Variants in TMEM132C observed in about 807,000 individuals in gnomAD.
The protein encoded by TMEM132C is protein phosphatase 1, regulatory subunit 152.
In TMEM132C, 29 loss-of-function variants were observed where a neutral mutation model predicts 61.4. The ratio of observed to expected loss-of-function variants is 0.47; its 90% CI spans 0.35 to 0.64. TMEM132C has a LOEUF of 0.64. TMEM132C is among the 30% of genes least tolerant of loss of function. The pLI is 0.00. For synonymous variants in TMEM132C, 656 were observed against 633.1 expected, an observed-to-expected ratio of 1.04 and a Z score of -0.54; for missense variants, 1,408 against 1,476.9, an observed-to-expected ratio of 0.95 and a Z score of 0.76.
rs750418869 is a variant in TMEM132C at position 128,630,669 on chromosome 12, T to A, written c.1305+14334T>A. Among the ~76,000 whole-genome samples the A allele has an allele frequency of 2.4e-4, 36 of 152,254 alleles. No homozygotes were observed. The highest frequency in any genetic ancestry group is 4.1e-4 in the Non-Finnish European group (28 of 68,012). ...GAACTTGGCTGTGTCCACTCCCTAG[T>A]CCTCACCTTCCAGATCACTGCTCAA... On this transcript the variant is annotated intron_variant, in intron 4 of 8. Transcript: ENST00000435159. The surrounding 1 kb of genome is among the most constrained non-coding windows in gnomAD (Gnocchi z 4.3).
At chr12:128,449,743 T>C (rs1870118678) in intron 2 of TMEM132C, among the ~76,000 whole-genome samples, 1 of 152,222 alleles carries the variant, frequency 6.6e-6, no homozygotes, top group African/African-American at 2.4e-5. Flanking sequence ...CAGTGGTTTT[T>C]TTTGACAGGT....
chr12:128,466,832 A>T (rs1200351322), intron 2 of TMEM132C, among the ~76,000 whole-genome samples: 1 of 152,014 alleles, frequency 6.6e-6, no homozygotes, highest in African/African-American at 2.4e-5. Context: ...ACACTTCTTT[A>T]TATGACCTGT....
chr12:128,397,674 T>C (rs1275629323), intron 1 of TMEM132C, among the ~76,000 whole-genome samples: 2 of 152,136 alleles, frequency 1.3e-5, no homozygotes, highest in African/African-American at 2.4e-5. Flanking sequence ...TTTTCTCTTC[T>C]TCTTCTCTTC....
rs369938324 is a variant in TMEM132C at position 128,649,311 on chromosome 12, A to T, written c.1306-20106A>T. Among the ~76,000 whole-genome samples, 17 of 152,308 alleles carry T rather than the reference A, an allele frequency of 1.1e-4. No individual in the cohort carries two copies. The South Asian group carries it at 3.3e-3, about 30-fold the overall frequency. ...CTATCCTGTGATACTGCCACCCTTGATTGTGCCACCAGGGAGGGAGGAAGC... is the reference window on the plus strand; with the variant it reads ...CTATCCTGTGATACTGCCACCCTTGTTTGTGCCACCAGGGAGGGAGGAAGC... On this transcript the variant is annotated intron_variant, in intron 4 of 8. Transcript: ENST00000435159.
At chr12:128,616,126 A>C (rs1283458345) in intron 3 of TMEM132C, 26 bp from the exon 4 acceptor site, 1 of 1,546,710 alleles carries the variant, frequency 6.5e-7, no homozygotes. Context: ...AGTTGGCTTA[A>C]AGCCAGTTTC....
chr12:128,694,312 T>C lies in TMEM132C; in HGVS notation c.1655+278T>C, dbSNP rs77882148. ...ATGGAGTTAATACATTTTTTTAGCA[T>C]CTTGGTTACCAGGTAATTTGAAGTT... On this transcript the variant is annotated intron_variant, in intron 6 of 8. Coordinates refer to ENST00000435159, the MANE Select transcript of TMEM132C (RefSeq NM_001136103.3). 8.2e-3 allele frequency among the ~76,000 whole-genome samples: 1,254 copies of C among 152,308 alleles called. 16 individuals are homozygous for C. Among genetic ancestry groups the C allele is most frequent in the African/African-American group, 0.029 (1,190 of 41,554 alleles).
At chr12:128,699,621 G>A (rs570241176) in intron 8 of TMEM132C, among the ~76,000 whole-genome samples, 1 of 152,296 alleles carries the variant, frequency 6.6e-6, no homozygotes, top group South Asian at 2.1e-4. Flanking sequence ...ACCAGCTAGA[G>A]AAATCGCTCA....
chr12:128,542,158 G>A (rs1009254030), intron 2 of TMEM132C, among the ~76,000 whole-genome samples: 15 of 152,138 alleles, frequency 9.9e-5, no homozygotes, highest in African/African-American at 3.6e-4. Context: ...TGTGTTGGTT[G>A]TTGACTCTGC....
At chr12:128,288,055 C>CTTTTTTTTT in intron 1 of TMEM132C, 1 of 135,182 alleles carries the variant, frequency 7.4e-6, no homozygotes, top group Non-Finnish European at 1.6e-5. Flanking sequence ...TCCTCTCTTA[C>CTTTTTTTTT]TTTTTTTTTT....
chr12:128,520,095 G>C lies in TMEM132C; in HGVS notation c.975-23862G>C, dbSNP rs373377939. Among the ~76,000 whole-genome samples, 768 of 152,160 alleles carry C rather than the reference G, an allele frequency of 5.0e-3. 6 individuals are homozygous for C. The highest frequency in any genetic ancestry group is 0.018 in the African/African-American group (746 of 41,514). On this transcript the variant is annotated intron_variant, in intron 2 of 8. Transcript: ENST00000435159. ...GGAATGACCGTCACCCTCTGCCCTC[G>C]CCAACTTTAAAGTGACTTGCAAAGG...
chr12:128,406,608 G>A (rs1875354304), intron 1 of TMEM132C, among the ~76,000 whole-genome samples: 1 of 152,186 alleles, frequency 6.6e-6, no homozygotes, highest in Non-Finnish European at 1.5e-5. Context: ...TAGGCTGAAG[G>A]AGTGGCCATG....
chr12:128,549,547 C>G (rs959700423), intron 3 of TMEM132C, among the ~76,000 whole-genome samples: 11 of 152,126 alleles, frequency 7.2e-5, no homozygotes, highest in Middle Eastern at 3.2e-3. Flanking sequence ...TGTCAAGTGC[C>G]TGGTACTTGC....
chr12:128,349,771 C>T (rs1167972071), intron 1 of TMEM132C, among the ~76,000 whole-genome samples: 1 of 152,132 alleles, frequency 6.6e-6, no homozygotes, highest in Non-Finnish European at 1.5e-5. Flanking sequence ...TGCAAAATTT[C>T]CACCTGATCC....
chr12:128,345,830 G>A (rs1299758873), intron 1 of TMEM132C, among the ~76,000 whole-genome samples: 1 of 151,914 alleles, frequency 6.6e-6, no homozygotes. Context: ...CTCCTATTCT[G>A]TATGTTGTCT....
intron 2 of TMEM132C, among the ~76,000 whole-genome samples, chr12:128,468,167 G>A (rs980671307): frequency 2.6e-5 from 4 of 152,136 alleles, no homozygotes; most frequent in East Asian, 3.9e-4. Context: ...CAGGGCTAGC[G>A]GTCCAGAGGG....
intron 4 of TMEM132C, among the ~76,000 whole-genome samples, chr12:128,620,112 G>A (rs898166684): frequency 1.3e-5 from 2 of 151,284 alleles, no homozygotes; most frequent in Non-Finnish European, 2.9e-5. Flanking sequence ...CACACCTGTA[G>A]ACCCAGCTCC....
At chr12:128,291,411 C>T (rs531633663) in intron 1 of TMEM132C, among the ~76,000 whole-genome samples, 2 of 152,226 alleles carry the variant, frequency 1.3e-5, no homozygotes, top group African/African-American at 4.8e-5. Flanking sequence ...CCCTTTTCCC[C>T]TGGATGGGCT....
At chr12:128,365,821 C>T (rs1484595972) in intron 1 of TMEM132C, among the ~76,000 whole-genome samples, 1 of 152,200 alleles carries the variant, frequency 6.6e-6, no homozygotes, top group East Asian at 1.9e-4. Flanking sequence ...CTCCCAGCCC[C>T]CTTTGTCCAG....
intron 1 of TMEM132C, among the ~76,000 whole-genome samples, chr12:128,304,639 A>AAGAAAGAAAGAAAGAAAG (rs61627760): frequency 7.0e-6 from 1 of 142,760 alleles, no homozygotes; most frequent in South Asian, 2.2e-4. Context: ...GAAAGAAAGA[A>AAGAAAGAAAGAAAGAAAG]AAAAAAGAAA....
Sources: gnomAD v4.1 joint callset for allele counts (sites outside exome capture counted in the v4.1 genomes callset) on GRCh38, gnomAD v4.1.1 for gene constraint, Gnocchi (gnomAD v3.1) non-coding constraint, MANE v1.5 for transcripts, NCBI Gene and HGNC (gene_info 2026-07-23, HGNC 2026-07-21) for gene names.